The following CTTNBP2 variants were observed in gnomAD, a reference collection of about 807,000 sequenced individuals.
CTTNBP2 encodes the protein cortactin-binding protein 2.
CTTNBP2 carries 108 observed loss-of-function variants against 156.9 expected under a neutral mutation model. The ratio of observed to expected loss-of-function variants is 0.69; its 90% CI spans 0.59 to 0.81. The LOEUF is 0.81. Ranked by LOEUF, CTTNBP2 falls within the 30% of genes least tolerant of loss-of-function variation. CTTNBP2 has a pLI of 0.00. For missense variants in CTTNBP2, 1,924 were observed against 2,035.4 expected, an observed-to-expected ratio of 0.95 and a Z score of 1.05; for synonymous variants, 767 against 751.8, an observed-to-expected ratio of 1.02 and a Z score of -0.33.
At chr7:117,765,017 C>A (rs1231399170) in intron 9 of CTTNBP2, among the ~76,000 whole-genome samples, 1 of 152,122 alleles carries the variant, frequency 6.6e-6, no homozygotes, top group Non-Finnish European at 1.5e-5. Flanking sequence ...CTCACTGCAA[C>A]CTCTGCCTCC....
chr7:117,714,999 T>C (rs1794264319), intron 22 of CTTNBP2, among the ~76,000 whole-genome samples: 2 of 152,214 alleles, frequency 1.3e-5, no homozygotes, highest in Non-Finnish European at 2.9e-5. Flanking sequence ...CAAAAACTAA[T>C]TTGTGTAGAA....
At chr7:117,830,043 G>T (rs1312857689) in intron 2 of CTTNBP2, among the ~76,000 whole-genome samples, 1 of 152,134 alleles carries the variant, frequency 6.6e-6, no homozygotes, top group Non-Finnish European at 1.5e-5. Context: ...ATAGAAACAG[G>T]AGTATCAACA....
intron 2 of CTTNBP2, among the ~76,000 whole-genome samples, chr7:117,859,320 A>T (rs1803550072): frequency 6.6e-6 from 1 of 152,230 alleles, no homozygotes; most frequent in Admixed American, 6.5e-5. Flanking sequence ...GCAAGCCTTT[A>T]CGTCTACTCT....
intron 3 of CTTNBP2, among the ~76,000 whole-genome samples, chr7:117,796,480 T>C (rs1799323257): frequency 6.6e-6 from 1 of 152,210 alleles, no homozygotes; most frequent in Non-Finnish European, 1.5e-5. Flanking sequence ...AGACAAATTA[T>C]GTGTACTTAA....
intron 17 of CTTNBP2, among the ~76,000 whole-genome samples, chr7:117,727,231 A>T (rs1795141588): frequency 6.6e-6 from 1 of 152,036 alleles, no homozygotes; most frequent in East Asian, 1.9e-4. Context: ...TTGCTCTAAT[A>T]CTCAGGCTGG....
In CTTNBP2 at chr7:117,791,513, G is replaced by C; in HGVS notation, c.1683C>G (p.Pro561=). The C allele has an allele frequency of 1.2e-6, 2 of 1,614,220 alleles. No individual in the cohort carries two copies. Among genetic ancestry groups the C allele is most frequent in the Non-Finnish European group, 1.7e-6 (2 of 1,180,036 alleles). The change falls in exon 4 of 23, where the codon CCC becomes CCG. Residue 561 remains proline (P), a synonymous_variant. Coordinates refer to ENST00000160373, the MANE Select transcript of CTTNBP2 (RefSeq NM_033427.3). ...GLSQTPSPPH[P]QLKVIIDSSR... ...TGCTGTCTATAATAACCTTGAGTTG[G>C]GGGTGTGGTGGAGAAGGAGTTTGGG... is the stretch of plus-strand genomic sequence containing the variant.
chr7:117,870,553 C>G (rs1262997239), intron 1 of CTTNBP2, among the ~76,000 whole-genome samples: 1 of 152,208 alleles, frequency 6.6e-6, no homozygotes, highest in Admixed American at 6.5e-5. Flanking sequence ...TGTCTATTAG[C>G]TGCTCCAGAA....
At position 117,777,668 on chromosome 7, in the gene CTTNBP2, A is replaced by T. The variant is rs749005608; in HGVS notation, c.2621T>A (p.Phe874Tyr). 6 of 1,614,168 alleles carry T rather than the reference A, an allele frequency of 3.7e-6. No homozygotes were observed. The highest frequency in any genetic ancestry group is 5.1e-6 in the Non-Finnish European group (6 of 1,180,016). ...ACTTGACTCGGACTCCTCCTCATTGAAAGAATTTCCATGAGCTGGTATTCT... is the reference window on the plus strand; with the variant it reads ...ACTTGACTCGGACTCCTCCTCATTGTAAGAATTTCCATGAGCTGGTATTCT... ...YHRIPAHGNSFNEEESESSVF... is the reference protein window; with the variant it reads ...YHRIPAHGNSYNEEESESSVF... The change falls in exon 8 of 23, where the codon TTC becomes TAC. Residue 874 changes from phenylalanine to tyrosine, a missense_variant. Phe to Tyr is a conservative substitution (Grantham distance 22, BLOSUM62 3). Coordinates refer to ENST00000160373, the MANE Select transcript of CTTNBP2 (RefSeq NM_033427.3).
intron 1 of CTTNBP2, among the ~76,000 whole-genome samples, chr7:117,866,364 T>C (rs1804198886): frequency 6.6e-6 from 1 of 152,200 alleles, no homozygotes. Context: ...GGAGACATTA[T>C]GAGCCACAAT....
chr7:117,760,911 C>T (rs576486013), intron 9 of CTTNBP2, among the ~76,000 whole-genome samples: 9 of 152,184 alleles, frequency 5.9e-5, no homozygotes, highest in South Asian at 4.2e-4. Context: ...TTTGGAAGCA[C>T]GCTGCACGAA....
chr7:117,728,132 G>T lies in CTTNBP2; in HGVS notation c.4012C>A (p.Leu1338Met). Residue 1338 changes from leucine to methionine, a missense_variant, in exon 17 of 23, where the codon CTG (leucine) becomes ATG (methionine). Leu to Met is a conservative substitution (Grantham distance 15). Coordinates refer to ENST00000160373, the MANE Select transcript of CTTNBP2 (RefSeq NM_033427.3). ...TGCCCAGGAACTACAGGACAAGACA[G>T]GAAATATTTTGGTCCAAGAAGTGCT... is the stretch of plus-strand genomic sequence containing the variant. ...PEALLGPKYF[L>M]SCPVVPGHAQ... The T allele has an allele frequency of 6.2e-7, 1 of 1,614,146 alleles. No homozygotes were observed. Among genetic ancestry groups the T allele is most frequent in the Non-Finnish European group, 8.5e-7 (1 of 1,179,998 alleles).
chr7:117,809,829 C>G (rs1800160968), intron 3 of CTTNBP2, among the ~76,000 whole-genome samples: 1 of 152,144 alleles, frequency 6.6e-6, no homozygotes, highest in Admixed American at 6.5e-5. Context: ...TATGAGATAT[C>G]AGAAGTTCTC....
chr7:117,826,330 CA>C (rs1227673267), intron 2 of CTTNBP2, among the ~76,000 whole-genome samples: 1 of 151,802 alleles, frequency 6.6e-6, no homozygotes, highest in African/African-American at 2.4e-5. Flanking sequence ...GATTACAGAG[CA>C]AAAAAGACTT....
intron 2 of CTTNBP2, among the ~76,000 whole-genome samples, chr7:117,841,062 A>C (rs1214713071): frequency 6.6e-6 from 1 of 152,234 alleles, no homozygotes; most frequent in Admixed American, 6.5e-5. Context: ...TTATAAATCA[A>C]TTAATGTGTT....
rs1803938826 is a variant in CTTNBP2 at position 117,863,961 on chromosome 7, C to CAA, written c.82-2646_82-2645insTT. Among the ~76,000 whole-genome samples, 7 of 152,210 alleles carry CAA rather than the reference C, an allele frequency of 4.6e-5. 1 individual carries two copies. The highest frequency in any genetic ancestry group is 2.6e-4 in the Admixed American group (4 of 15,288). On this transcript the variant is annotated intron_variant, in intron 1 of 22. Transcript: ENST00000160373. The stretch of plus-strand genomic sequence containing the variant: ...AGAGTGTAATGCTTTATTAATGATG[C>CAA]TGCTGGTTGCTCTAAAGATTTTAAT...
intron 2 of CTTNBP2, among the ~76,000 whole-genome samples, chr7:117,814,723 A>G (rs1036399925): frequency 1.3e-5 from 2 of 152,230 alleles, no homozygotes; most frequent in Admixed American, 6.5e-5. Flanking sequence ...CCTCCGTGAC[A>G]GCCTAAAACC....
At chr7:117,849,815 C>T (rs1802824959) in intron 2 of CTTNBP2, among the ~76,000 whole-genome samples, 1 of 152,140 alleles carries the variant, frequency 6.6e-6, no homozygotes, top group Admixed American at 6.5e-5. Context: ...CGCAAGCCAG[C>T]CCTGCATTCT....
intron 22 of CTTNBP2, among the ~76,000 whole-genome samples, chr7:117,712,888 A>G (rs888972913): frequency 1.3e-5 from 2 of 152,130 alleles, no homozygotes; most frequent in Non-Finnish European, 2.9e-5. Context: ...TTCTCCATTG[A>G]GCAATTAAAT....
At chr7:117,795,406 T>A (rs1799263331) in intron 3 of CTTNBP2, among the ~76,000 whole-genome samples, 1 of 152,128 alleles carries the variant, frequency 6.6e-6, no homozygotes, top group Admixed American at 6.5e-5. Context: ...AAGAAAAACA[T>A]AAACTAGGCC....
Sources: gnomAD v4.1 joint callset for allele counts (sites outside exome capture counted in the v4.1 genomes callset) on GRCh38, gnomAD v4.1.1 for gene constraint, MANE v1.5 for transcripts, NCBI Gene and HGNC (gene_info 2026-07-23, HGNC 2026-07-21) for gene names.